The following NF1 variants were observed in gnomAD, a reference collection of about 807,000 sequenced individuals.
NF1 encodes neurofibromin.
NF1 carries 122 observed loss-of-function variants against 325.7 expected under a neutral mutation model. The ratio of observed to expected loss-of-function variants is 0.37; its 90% CI spans 0.32 to 0.44. NF1 has a LOEUF of 0.44. Among genes scored for constraint, NF1 ranks in the 20% least tolerant of loss-of-function variants. The pLI, the probability that NF1 is intolerant of heterozygous loss-of-function variation, is 1.00. For synonymous variants in NF1, 1,091 were observed against 1,186.0 expected (o/e 0.92, Z 1.65); for missense variants, 2,140 against 3,415.4 (o/e 0.63, Z 9.31).
intron 36 of NF1, among the ~76,000 whole-genome samples, chr17:31,265,911 A>T (rs2067778922): frequency 6.6e-6 from 1 of 151,988 alleles, no homozygotes; most frequent in South Asian, 2.1e-4. Flanking sequence ...GCTCTTCCTT[A>T]ATAATAGGTA....
intron 34 of NF1, 57 bp downstream of exon 34, chr17:31,260,572 A>G (rs2067667562): frequency 5.1e-6 from 8 of 1,583,508 alleles, no homozygotes; most frequent in South Asian, 1.1e-5. Context: ...TTAGATTAAT[A>G]CAATTATTGG....
chr17:31,169,302 A>G (rs2065894888), intron 4 of NF1, among the ~76,000 whole-genome samples: 1 of 152,176 alleles, frequency 6.6e-6, no homozygotes, highest in Non-Finnish European at 1.5e-5. Flanking sequence ...TAATTTTCCC[A>G]AAGAACCCTG....
intron 29 of NF1, among the ~76,000 whole-genome samples, chr17:31,237,713 A>G (rs918421901): frequency 3.0e-5 from 3 of 101,278 alleles, no homozygotes; most frequent in Non-Finnish European, 5.8e-5. Context: ...TACGGATTTT[A>G]TGTTAATTTT....
At chr17:31,370,204 A>C (rs1201684648) in intron 57 of NF1, among the ~76,000 whole-genome samples, 1 of 152,220 alleles carries the variant, frequency 6.6e-6, no homozygotes, top group South Asian at 2.1e-4. Flanking sequence ...GAATTTGAGA[A>C]AAGAAGTAGA....
At chr17:31,221,528 A>C (rs1162248822) in intron 14 of NF1, among the ~76,000 whole-genome samples, 3 of 152,086 alleles carry the variant, frequency 2.0e-5, no homozygotes, top group African/African-American at 2.4e-5. Flanking sequence ...AGAGTTCTTT[A>C]ATATCTATTG....
In NF1 at chr17:31,206,296, T is replaced by G. The variant is rs1309101082; in HGVS notation, c.1317T>G (p.Leu439=). 1.9e-6 allele frequency: 3 copies of G among 1,613,960 alleles called. No individual in the cohort carries two copies. Among genetic ancestry groups the G allele is most frequent in the Non-Finnish European group, 2.5e-6 (3 of 1,179,846 alleles). The part of the protein sequence containing the change: ...IDAVYCHSVE[L]RNMFGETLHK... The stretch of plus-strand genomic sequence containing the variant: ...CTGTGTATTGTCACTCGGTTGAACT[T>G]CGAAATATGTTTGGTGAAACACTTC... Residue 439 remains leucine, a synonymous_variant, in exon 12 of 58, where the codon CTT becomes CTG. Coordinates refer to ENST00000358273, the MANE Select transcript of NF1 (RefSeq NM_001042492.3).
At chr17:31,168,161 T>C (rs2065874988) in intron 4 of NF1, among the ~76,000 whole-genome samples, 1 of 152,246 alleles carries the variant, frequency 6.6e-6, no homozygotes, top group East Asian at 1.9e-4. Flanking sequence ...TGTGGAAAAA[T>C]GGAAAAATAC....
intron 11 of NF1, among the ~76,000 whole-genome samples, chr17:31,204,587 A>G (rs945087962): frequency 1.7e-4 from 26 of 151,924 alleles, no homozygotes; most frequent in Admixed American, 1.3e-4. Flanking sequence ...TGAATATATT[A>G]TGAAAAATGA....
chr17:31,326,436 T>C (rs1279871216), intron 37 of NF1, among the ~76,000 whole-genome samples, 184 bp downstream of exon 37: 1 of 152,044 alleles, frequency 6.6e-6, no homozygotes, highest in East Asian at 1.9e-4. Context: ...TCACGTGAGG[T>C]CAGGAGTTCA....
chr17:31,247,173 A>C (rs2067407332), intron 29 of NF1, among the ~76,000 whole-genome samples: 2 of 146,296 alleles, frequency 1.4e-5, no homozygotes, highest in Admixed American at 1.4e-4. Context: ...CCAGCCCGGC[A>C]ACAGAGCAAG....
At chr17:31,230,165 C>A (rs2151431213) in intron 22 of NF1, 95 bp from the exon 23 acceptor site, 4 of 1,472,224 alleles carry the variant, frequency 2.7e-6, no homozygotes, top group Non-Finnish European at 3.8e-6. Context: ...TTCAAACTTA[C>A]ATTTAATTCG....
chr17:31,357,580 G>A, intron 54 of NF1: 2 of 586,904 alleles, frequency 3.4e-6, no homozygotes, highest in Non-Finnish European at 6.1e-6. Context: ...TAAAAAATCT[G>A]GTTGATTTAT....
intron 12 of NF1, among the ~76,000 whole-genome samples, chr17:31,209,605 G>T (rs2066687949): frequency 6.6e-6 from 1 of 151,952 alleles, no homozygotes; most frequent in Non-Finnish European, 1.5e-5. Context: ...TATCGTTTTG[G>T]CATTGGAAGG....
At chr17:31,264,731 A>G (rs2067755506) in intron 35 of NF1, among the ~76,000 whole-genome samples, 1 of 152,222 alleles carries the variant, frequency 6.6e-6, no homozygotes, top group Admixed American at 6.5e-5. Context: ...ACATATGGGA[A>G]CATAATATAT....
chr17:31,273,490 A>G (rs1386841191), intron 36 of NF1: 1 of 152,244 alleles, frequency 6.6e-6, no homozygotes, highest in Non-Finnish European at 1.5e-5. Context: ...CTTAAAGCCC[A>G]AATTTTAACT....
At chr17:31,129,109 T>C (rs983232548) in intron 1 of NF1, among the ~76,000 whole-genome samples, 5 of 152,170 alleles carry the variant, frequency 3.3e-5, no homozygotes, top group Admixed American at 2.6e-4. Context: ...GATTCTGTTT[T>C]TTGGAGATTA....
At chr17:31,105,548 C>A (rs1466922009) in intron 1 of NF1, among the ~76,000 whole-genome samples, 1 of 150,650 alleles carries the variant, frequency 6.6e-6, no homozygotes, top group Non-Finnish European at 1.5e-5. Flanking sequence ...GAGTTTTGCT[C>A]TTGTTGCCCA....
At chr17:31,124,519 T>G (rs925327366) in intron 1 of NF1, among the ~76,000 whole-genome samples, 2 of 136,666 alleles carry the variant, frequency 1.5e-5, no homozygotes, top group East Asian at 4.2e-4. Flanking sequence ...GTTTTCAGGG[T>G]TTTTTTTTTT....
At chr17:31,143,413 CAT>C (rs1439137316) in intron 1 of NF1, among the ~76,000 whole-genome samples, 1 of 151,792 alleles carries the variant, frequency 6.6e-6, no homozygotes, top group African/African-American at 2.4e-5. Flanking sequence ...ACTACAGGTG[CAT>C]ACCACCACCC....
Sources: allele counts gnomAD v4.1 joint callset (sites outside exome capture counted in the v4.1 genomes callset), GRCh38; gene constraint gnomAD v4.1.1; transcripts MANE v1.5; gene names NCBI Gene and HGNC (gene_info 2026-07-23, HGNC 2026-07-21).